CCDC7: variants seen among roughly 807,000 people sequenced by gnomAD.
The protein encoded by CCDC7 is coiled-coil domain containing 7.
A neutral mutation model predicts 196.9 loss-of-function variants in CCDC7; 183 were observed. That is an observed-to-expected ratio of 0.93 (90% CI 0.82 to 1.05). CCDC7 has a LOEUF of 1.05. CCDC7 is among the 50% of genes least tolerant of loss of function. The pLI is 0.00. For synonymous variants in CCDC7, 525 were observed against 484.6 expected, an observed-to-expected ratio of 1.08 and a Z score of -1.10; for missense variants, 1,540 against 1,482.2, an observed-to-expected ratio of 1.04 and a Z score of -0.64.
chr10:32,463,583 G>A (rs9338708), intron 5 of CCDC7, among the ~76,000 whole-genome samples: 38,237 of 152,064 alleles, frequency 0.25, 5,389 homozygotes, highest in South Asian at 0.43. Context: ...TATGCTGTCA[G>A]TATATTAGAA....
chr10:32,689,412 G>A (rs952436248), intron 23 of CCDC7, among the ~76,000 whole-genome samples: 2 of 152,126 alleles, frequency 1.3e-5, no homozygotes, highest in Non-Finnish European at 2.9e-5. Context: ...TCTTTCCAAA[G>A]TAGTGTGCCT....
intron 18 of CCDC7, among the ~76,000 whole-genome samples, chr10:32,626,987 T>C (rs1192048281): frequency 6.6e-6 from 1 of 151,900 alleles, no homozygotes; most frequent in African/African-American, 2.4e-5. Flanking sequence ...GGTAACGAGA[T>C]GCCTACAGCA....
At position 32,567,870 on chromosome 10, in the gene CCDC7, T is replaced by TA. The variant is rs571580284; in HGVS notation, c.1402dup (p.Ile468AsnfsTer16). 7,098 of 1,613,080 alleles carry TA rather than the reference T, an allele frequency of 4.4e-3. 29 individuals carry two copies. Among genetic ancestry groups the TA allele is most frequent in the Middle Eastern group, 8.4e-3 (51 of 6,046 alleles). ...ATTCAGGTGGACAAAGGACAAGTGA[T>TA]AAAATCCAAGAATATCCACAGGTGA... is the stretch of plus-strand genomic sequence containing the variant. On this transcript the variant is annotated frameshift_variant, in exon 15 of 42. Coordinates refer to ENST00000639629, the Ensembl canonical transcript of CCDC7. LOFTEE classifies it high-confidence loss of function.
chr10:32,769,803 A>G (rs2078898241), intron 28 of CCDC7, among the ~76,000 whole-genome samples: 1 of 152,310 alleles, frequency 6.6e-6, no homozygotes, highest in East Asian at 1.9e-4. Flanking sequence ...CCTGCAAAAG[A>G]CATGAACTCA....
chr10:32,797,577 C>A (rs10827133), intron 29 of CCDC7, among the ~76,000 whole-genome samples: 22,338 of 132,042 alleles, frequency 0.17, 1,942 homozygotes, highest in East Asian at 0.31. Flanking sequence ...TACTGCTCGT[C>A]TGATGGGCGC....
chr10:32,842,849 A>T (rs2093054644), intron 33 of CCDC7, among the ~76,000 whole-genome samples: 1 of 152,060 alleles, frequency 6.6e-6, no homozygotes, highest in African/African-American at 2.4e-5. Context: ...GGAATGGAAA[A>T]CCAAACGTTG....
intron 8 of CCDC7, among the ~76,000 whole-genome samples, chr10:32,481,159 C>G (rs1362147791): frequency 6.6e-6 from 1 of 152,120 alleles, no homozygotes; most frequent in South Asian, 2.1e-4. Context: ...CACAGCTGCT[C>G]ATTTATTGGT....
intron 28 of CCDC7, among the ~76,000 whole-genome samples, chr10:32,736,288 A>T (rs1334401019): frequency 1.3e-5 from 2 of 151,574 alleles, no homozygotes; most frequent in East Asian, 3.8e-4. Context: ...CCTATTCTTT[A>T]ACATGGACTA....
intron 9 of CCDC7, among the ~76,000 whole-genome samples, chr10:32,516,880 A>G (rs2047109333): frequency 6.6e-6 from 1 of 152,256 alleles, no homozygotes; most frequent in Non-Finnish European, 1.5e-5. Flanking sequence ...TCATAATAGC[A>G]TTATTCATAA....
intron 18 of CCDC7, among the ~76,000 whole-genome samples, chr10:32,606,242 C>G (rs532289100): frequency 3.0e-4 from 46 of 152,356 alleles, no homozygotes; most frequent in African/African-American, 1.1e-3. Flanking sequence ...GCTTGGCAGC[C>G]TCTGCCTAGG....
intron 12 of CCDC7, 34 bp from the exon 14 acceptor site, chr10:32,544,213 A>G: frequency 6.4e-7 from 1 of 1,557,012 alleles, no homozygotes; most frequent in Non-Finnish European, 8.8e-7. Context: ...ATTTAAAAAT[A>G]TCATGATGCA....
chr10:32,739,597 A>G (rs1262387382), intron 28 of CCDC7, among the ~76,000 whole-genome samples: 1 of 151,934 alleles, frequency 6.6e-6, no homozygotes. Flanking sequence ...TGATAATTTG[A>G]AAAATTCTGC....
rs2058893091 is a variant in CCDC7, at chr10:32,583,008, A to T, written c.1455-26A>T. 1.2e-5 allele frequency: 15 copies of T among 1,222,792 alleles called. No homozygotes were observed. The South Asian group carries it at 4.6e-4, about 37-fold the overall frequency. 75.7% of individuals were successfully genotyped at this position (1,222,792 alleles called of 1,614,324 possible). On this transcript the variant is annotated intron_variant, in intron 16 of 41. Coordinates refer to ENST00000639629, the Ensembl canonical transcript of CCDC7. Reference sequence around the variant, plus strand: ...AATAAAATGGTCTTCACATAATCTAATACCAGATGTTTTATAATTCTAAAG... The same window carrying T: ...AATAAAATGGTCTTCACATAATCTATTACCAGATGTTTTATAATTCTAAAG...
Position 32,778,964 on chromosome 10 carries a change from G to C in CCDC7, c.2906-13G>C. 6.5e-7 allele frequency: 1 copy of C among 1,536,228 alleles called. No homozygotes were observed. The highest frequency in any genetic ancestry group is 8.8e-7 in the Non-Finnish European group (1 of 1,135,254). ...TTTAAATCAACTACTTTGACAATCT[G>C]TTATTCTTACAGTTAAAAATGAAGC... On this transcript the variant is annotated splice_polypyrimidine_tract_variant and intron_variant, in intron 28 of 41. Transcript: ENST00000639629.
intron 29 of CCDC7, among the ~76,000 whole-genome samples, chr10:32,789,079 A>G (rs1308954231): frequency 6.8e-6 from 1 of 147,708 alleles, no homozygotes; most frequent in Non-Finnish European, 1.5e-5. Context: ...TCTCTGGTTG[A>G]GCTGAACGGT....
At chr10:32,849,348 G>T (rs1247860518) in intron 39 of CCDC7, among the ~76,000 whole-genome samples, 3 of 152,006 alleles carry the variant, frequency 2.0e-5, no homozygotes, top group Non-Finnish European at 4.4e-5. Context: ...GCTGGCTGTT[G>T]TTTGAGACAA....
intron 18 of CCDC7, among the ~76,000 whole-genome samples, chr10:32,598,346 C>T (rs2060635723): frequency 6.6e-6 from 1 of 152,176 alleles, no homozygotes; most frequent in African/African-American, 2.4e-5. Context: ...TTGCTAAGGC[C>T]ATTGGAAAAG....
chr10:32,757,818 T>G (rs1056293998), intron 28 of CCDC7, among the ~76,000 whole-genome samples: 18 of 152,036 alleles, frequency 1.2e-4, no homozygotes, highest in Admixed American at 9.8e-4. Context: ...CCAGGAGCTG[T>G]TTTATTTGAA....
chr10:32,845,634 A>C lies in CCDC7; in HGVS notation c.3520+8A>C. ...AATTAAAAAGTCACCCAGGTAAGAG[A>C]AAACAATTTCAAGACTAATATTTAT... On this transcript the variant is annotated splice_region_variant and intron_variant, in intron 35 of 41. Transcript: ENST00000639629. 1 of 1,599,410 alleles carries C rather than the reference A, an allele frequency of 6.3e-7. No individual in the cohort carries two copies. The highest frequency in any genetic ancestry group is 8.6e-7 in the Non-Finnish European group (1 of 1,168,092).
Sources: gnomAD v4.1 joint callset for allele counts (sites outside exome capture counted in the v4.1 genomes callset) on GRCh38, gnomAD v4.1.1 for gene constraint, MANE v1.5 for transcripts, NCBI Gene and HGNC (gene_info 2026-07-23, HGNC 2026-07-21) for gene names.